Variants in PLEKHH2 observed in about 807,000 individuals in gnomAD.
The protein encoded by PLEKHH2 is pleckstrin homology domain-containing family H member 2.
In PLEKHH2, 129 loss-of-function variants were observed where a neutral mutation model predicts 187.9. That is an observed-to-expected ratio of 0.69 (90% CI 0.59 to 0.79). The LOEUF is 0.79. Ranked by LOEUF, PLEKHH2 falls within the 30% of genes least tolerant of loss-of-function variation. The probability of loss-of-function intolerance (pLI) is 0.00; values close to 1 mark genes in which losing one functional copy is unlikely to be tolerated. For synonymous variants in PLEKHH2, 686 were observed against 605.6 expected, an observed-to-expected ratio of 1.13 and a Z score of -1.95; for missense variants, 2,076 against 1,751.2, an observed-to-expected ratio of 1.19 and a Z score of -3.31.
chr2:43,709,425 T>G (rs1669830944), intron 11 of PLEKHH2, among the ~76,000 whole-genome samples: 1 of 152,222 alleles, frequency 6.6e-6, no homozygotes, highest in South Asian at 2.1e-4. Context: ...TATTTTTAAT[T>G]CTTAATAAAA....
At chr2:43,712,421 TATGGGCATGA>T in intron 15 of PLEKHH2, 38 bp downstream of exon 15, 1 of 1,593,190 alleles carries the variant, frequency 6.3e-7, no homozygotes, top group Admixed American at 1.8e-5. Context: ...CCCAGGCAGC[TATGGGCATGA>T]GCCCATGATC....
chr2:43,646,123 A>G lies in PLEKHH2; in HGVS notation c.123+1327A>G, dbSNP rs552221375. 8.3e-4 allele frequency among the ~76,000 whole-genome samples: 126 copies of G among 152,302 alleles called. 1 individual carries two copies. The highest frequency in any genetic ancestry group is 2.9e-3 in the African/African-American group (120 of 41,576). On this transcript the variant is annotated intron_variant, in intron 2 of 29. Transcript: ENST00000282406. Reference sequence around the variant, plus strand: ...GGATGACTCAGTAATCAATCAGTCAATGAATCCTGAACTTCAATGTGCTTT... The same window carrying G: ...GGATGACTCAGTAATCAATCAGTCAGTGAATCCTGAACTTCAATGTGCTTT...
chr2:43,746,878 G>A (rs537524425), intron 24 of PLEKHH2, among the ~76,000 whole-genome samples: 4 of 151,984 alleles, frequency 2.6e-5, no homozygotes, highest in Admixed American at 1.3e-4. Flanking sequence ...GCTGAGGCAG[G>A]CGAATGGCAT....
rs116698107 is a variant in PLEKHH2 at position 43,753,297 on chromosome 2, A to G, written c.3654-322A>G. Among the ~76,000 whole-genome samples the G allele has an allele frequency of 5.5e-3, 838 of 152,286 alleles. 7 individuals are homozygous for G. The highest frequency in any genetic ancestry group is 0.019 in the African/African-American group (779 of 41,552). ...TATTTATATTTAAAGTGGATTTCTT[A>G]TAAGCGCCATATAGTTGGGTTTTAT... On this transcript the variant is annotated intron_variant, in intron 24 of 29. Coordinates refer to ENST00000282406, the MANE Select transcript of PLEKHH2 (RefSeq NM_172069.4).
chr2:43,761,693 G>C (rs1672435500), intron 27 of PLEKHH2, among the ~76,000 whole-genome samples: 2 of 152,206 alleles, frequency 1.3e-5, no homozygotes, highest in South Asian at 4.1e-4. Context: ...TTACAGGCGA[G>C]AGCCACAACA....
At chr2:43,659,389 T>TA (rs1666955087) in intron 2 of PLEKHH2, among the ~76,000 whole-genome samples, 3 of 152,066 alleles carry the variant, frequency 2.0e-5, no homozygotes, top group Admixed American at 6.6e-5. Context: ...TCTTGTCCTT[T>TA]AAAAAATAGA....
rs530054721 is a variant in PLEKHH2, at chr2:43,762,263, G to T, written c.4072-41G>T. 1.2e-4 allele frequency: 163 copies of T among 1,391,082 alleles called. 3 individuals are homozygous for T. Among genetic ancestry groups the T allele is most frequent in the South Asian group, 1.1e-3 (96 of 84,244 alleles). 86.2% of individuals were successfully genotyped at this position (1,391,082 alleles called of 1,614,324 possible). On this transcript the variant is annotated intron_variant, in intron 27 of 29. Coordinates refer to ENST00000282406, the MANE Select transcript of PLEKHH2 (RefSeq NM_172069.4). ...GACTGAAAAATATTCCTGTAATTTTGCTTAGTATTTATAATATAGTGTATT... is the reference window on the plus strand; with the variant it reads ...GACTGAAAAATATTCCTGTAATTTTTCTTAGTATTTATAATATAGTGTATT...
At chr2:43,683,824 T>G (rs968117141) in intron 3 of PLEKHH2, among the ~76,000 whole-genome samples, 7 of 152,280 alleles carry the variant, frequency 4.6e-5, no homozygotes, top group Non-Finnish European at 1.0e-4. Context: ...GATTACCTTG[T>G]TTAAATCAAT....
intron 2 of PLEKHH2, among the ~76,000 whole-genome samples, chr2:43,653,386 G>T (rs1484746041): frequency 1.3e-5 from 2 of 152,124 alleles, no homozygotes; most frequent in Non-Finnish European, 2.9e-5. Context: ...ATGAAAAAAT[G>T]TCTTCAAAAT....
At chr2:43,762,526 C>A in intron 28 of PLEKHH2, 136 bp downstream of exon 28, 1 of 598,668 alleles carries the variant, frequency 1.7e-6, no homozygotes, top group Non-Finnish European at 2.9e-6. Context: ...ATGTCATGAA[C>A]AGTCATTTTA....
chr2:43,643,566 A>G (rs76266505), intron 1 of PLEKHH2, among the ~76,000 whole-genome samples: 1,975 of 152,192 alleles, frequency 0.013, 22 homozygotes, highest in Non-Finnish European at 0.021. Context: ...TACGCTAAAT[A>G]CTGGGAAAAT....
intron 3 of PLEKHH2, chr2:43,681,093 C>G (rs751393048): frequency 6.4e-6 from 7 of 1,091,036 alleles, no homozygotes; most frequent in Non-Finnish European, 9.5e-6. Flanking sequence ...TGAATGCCAA[C>G]CAACTCCAGA....
Position 43,688,171 on chromosome 2 carries a change from A to G in PLEKHH2, c.187-4343A>G, listed in dbSNP as rs946581762. ...CTTCTGCACAGCAAAAGAAACTATCAATAGAGTAAACATACAGCCTACAGA... is the reference window on the plus strand; with the variant it reads ...CTTCTGCACAGCAAAAGAAACTATCGATAGAGTAAACATACAGCCTACAGA... On this transcript the variant is annotated intron_variant, in intron 3 of 29. Coordinates refer to ENST00000282406, the MANE Select transcript of PLEKHH2 (RefSeq NM_172069.4). Among the ~76,000 whole-genome samples, 39 of 152,198 alleles carry G rather than the reference A, an allele frequency of 2.6e-4. 1 individual carries two copies. Among genetic ancestry groups the G allele is most frequent in the Admixed American group, 2.3e-3 (35 of 15,286 alleles).
intron 19 of PLEKHH2, among the ~76,000 whole-genome samples, chr2:43,735,626 A>G (rs994022410): frequency 6.6e-6 from 1 of 152,226 alleles, no homozygotes; most frequent in Admixed American, 6.5e-5. Flanking sequence ...GGTAGTGGGT[A>G]TCCCAATTCC....
rs1450774641 is a variant in PLEKHH2 at position 43,762,372 on chromosome 2, C to G, written c.4140C>G (p.Leu1380=). The change falls in exon 28 of 30, where the codon CTC becomes CTG. Residue 1380 remains leucine, a synonymous_variant. Coordinates refer to ENST00000282406, the MANE Select transcript of PLEKHH2 (RefSeq NM_172069.4). ...WLAVHEDGLS[L]LEYNSMRLIV... is the part of the protein sequence containing the mutation. ...CTGTACATGAGGATGGTTTAAGCCT[C>G]TTAGAATACAACTCCATGGTAAGTT... 2 of 1,610,220 alleles carry G rather than the reference C, an allele frequency of 1.2e-6. No individual in the cohort carries two copies. The highest frequency in any genetic ancestry group is 2.2e-5 in the South Asian group (2 of 90,948).
At chr2:43,706,169 C>T (rs1669646859) in intron 9 of PLEKHH2, among the ~76,000 whole-genome samples, 153 bp from the exon 10 acceptor site, 1 of 152,122 alleles carries the variant, frequency 6.6e-6, no homozygotes, top group Non-Finnish European at 1.5e-5. Flanking sequence ...CCTGTAAATG[C>T]CATAATCTGT....
At chr2:43,685,308 A>G (rs1668449847) in intron 3 of PLEKHH2, among the ~76,000 whole-genome samples, 1 of 152,260 alleles carries the variant, frequency 6.6e-6, no homozygotes, top group African/African-American at 2.4e-5. Context: ...TTTATCAATG[A>G]ATGGCATCAC....
intron 3 of PLEKHH2, among the ~76,000 whole-genome samples, chr2:43,691,954 C>A (rs753460967): frequency 2.6e-5 from 4 of 152,160 alleles, no homozygotes; most frequent in Non-Finnish European, 4.4e-5. Flanking sequence ...AATCAAGAAG[C>A]CCTCATTGAG....
chr2:43,680,953 T>C, intron 3 of PLEKHH2: 2 of 968,218 alleles, frequency 2.1e-6, no homozygotes, highest in Admixed American at 2.5e-5. Flanking sequence ...TTATTTTTAC[T>C]ACATACACTG....
Sources: allele counts gnomAD v4.1 joint callset (sites outside exome capture counted in the v4.1 genomes callset), GRCh38; gene constraint gnomAD v4.1.1; transcripts MANE v1.5; gene names NCBI Gene and HGNC (gene_info 2026-07-23, HGNC 2026-07-21).